IQCM: variants seen among roughly 807,000 people sequenced by gnomAD.
IQCM encodes IQ motif containing M, also known as IQ domain-containing protein M.
Under a neutral mutation model 57.6 loss-of-function variants are expected in IQCM, and 45 were observed. The ratio of observed to expected loss-of-function variants is 0.78; its 90% CI spans 0.62 to 1.00. The LOEUF is 1.00. IQCM is among the 50% of genes least tolerant of loss of function. The pLI is 0.00. For synonymous variants in IQCM, 148 were observed against 158.9 expected, an observed-to-expected ratio of 0.93 and a Z score of 0.51; for missense variants, 468 against 511.6, an observed-to-expected ratio of 0.91 and a Z score of 0.82.
At chr4:149,662,849 G>T in intron 7 of IQCM, among the ~76,000 whole-genome samples, 1 of 151,882 alleles carries the variant, frequency 6.6e-6, no homozygotes, top group African/African-American at 2.4e-5. Context: ...TTGTTTTTAT[G>T]TCCATTCACT....
intron 11 of IQCM, 143 bp from the exon 12 acceptor site, chr4:149,548,732 A>G: frequency 2.4e-6 from 1 of 418,844 alleles, no homozygotes; most frequent in Non-Finnish European, 4.0e-6. Flanking sequence ...AAAGGTTAGA[A>G]GGAAGTGGGC....
At chr4:149,754,746 C>T (rs551197508) in intron 2 of IQCM, among the ~76,000 whole-genome samples, 4 of 152,290 alleles carry the variant, frequency 2.6e-5, no homozygotes, top group African/African-American at 4.8e-5. Flanking sequence ...AGGCTCAGGC[C>T]TTGAATCTCT....
intron 7 of IQCM, among the ~76,000 whole-genome samples, chr4:149,656,438 G>T (rs925531901): frequency 5.9e-5 from 9 of 151,990 alleles, no homozygotes; most frequent in African/African-American, 2.2e-4. Flanking sequence ...GCTGACCATA[G>T]AATTAAAAGG....
chr4:149,522,243 C>T (rs1368911884), intron 12 of IQCM, among the ~76,000 whole-genome samples: 1 of 152,170 alleles, frequency 6.6e-6, no homozygotes, highest in Non-Finnish European at 1.5e-5. Flanking sequence ...AGCTGCTCAC[C>T]CCACCACTAT....
intron 13 of IQCM, among the ~76,000 whole-genome samples, chr4:149,403,388 C>A (rs908266365): frequency 1.3e-5 from 2 of 151,922 alleles, no homozygotes; most frequent in South Asian, 2.1e-4. Context: ...TCCTTGAAAA[C>A]AAGGGCTGAA....
At chr4:149,403,022 T>C (rs567745250) in intron 13 of IQCM, among the ~76,000 whole-genome samples, 5 of 152,118 alleles carry the variant, frequency 3.3e-5, no homozygotes, top group East Asian at 1.9e-4. Flanking sequence ...TTTTCACTTA[T>C]AAAATAATTT....
chr4:149,687,934 T>C (rs1190338848), intron 5 of IQCM, among the ~76,000 whole-genome samples: 5 of 151,918 alleles, frequency 3.3e-5, no homozygotes, highest in African/African-American at 4.8e-5. Flanking sequence ...AAAATCAGCA[T>C]ACAAGGGACA....
chr4:149,695,031 A>G (rs906510335), intron 5 of IQCM, among the ~76,000 whole-genome samples: 5 of 152,344 alleles, frequency 3.3e-5, no homozygotes, highest in Non-Finnish European at 7.3e-5. Context: ...GTCAAGAATG[A>G]CAGATTGCAA....
intron 5 of IQCM, among the ~76,000 whole-genome samples, chr4:149,730,925 C>G (rs985285040): frequency 6.6e-6 from 1 of 152,172 alleles, no homozygotes; most frequent in Non-Finnish European, 1.5e-5. Context: ...AATGCATGAG[C>G]CCCACAATTT....
At chr4:149,511,326 T>G (rs1238347262) in intron 12 of IQCM, among the ~76,000 whole-genome samples, 1 of 151,648 alleles carries the variant, frequency 6.6e-6, no homozygotes, top group African/African-American at 2.4e-5. Context: ...TGAGACCAGA[T>G]TGGCCAACAT....
intron 8 of IQCM, among the ~76,000 whole-genome samples, chr4:149,601,211 AAGAT>A (rs1184113792): frequency 0.013 from 3 of 232 alleles, no homozygotes; most frequent in Admixed American, 0.062. Context: ...CTAAGATTAG[AAGAT>A]TAGAATCTTT....
At chr4:149,391,958 G>A (rs1395739852) in intron 13 of IQCM, among the ~76,000 whole-genome samples, 1 of 151,774 alleles carries the variant, frequency 6.6e-6, no homozygotes, top group African/African-American at 2.4e-5. Flanking sequence ...GCTGCTGTTG[G>A]CTGCTTTGCT....
At chr4:149,431,826 C>A (rs1734892661) in intron 13 of IQCM, among the ~76,000 whole-genome samples, 2 of 151,886 alleles carry the variant, frequency 1.3e-5, no homozygotes, top group South Asian at 2.1e-4. Context: ...TCCTCCAAAT[C>A]TGCTGAACCA....
intron 13 of IQCM, among the ~76,000 whole-genome samples, chr4:149,407,171 C>G (rs1035492565): frequency 2.0e-5 from 3 of 152,074 alleles, no homozygotes; most frequent in Non-Finnish European, 2.9e-5. Flanking sequence ...TATCCCCCCC[C>G]AGGTCCCTCC....
chr4:149,678,353 T>C (rs1055105778), intron 7 of IQCM, among the ~76,000 whole-genome samples: 3 of 151,816 alleles, frequency 2.0e-5, no homozygotes, highest in African/African-American at 7.2e-5. Flanking sequence ...AAATCATACA[T>C]GCCAGGAGAA....
intron 5 of IQCM, among the ~76,000 whole-genome samples, chr4:149,707,326 A>G (rs2149823891): frequency 6.6e-6 from 1 of 152,172 alleles, no homozygotes; most frequent in East Asian, 1.9e-4. Flanking sequence ...TAATGCTTTG[A>G]AACTGCAAAT....
intron 12 of IQCM, among the ~76,000 whole-genome samples, chr4:149,477,834 A>T (rs528150120): frequency 6.6e-6 from 1 of 152,212 alleles, no homozygotes; most frequent in South Asian, 2.1e-4. Context: ...GGAAAAATGC[A>T]TGTGGGAGGA....
intron 12 of IQCM, among the ~76,000 whole-genome samples, chr4:149,498,124 A>G (rs1040646917): frequency 6.6e-6 from 1 of 152,188 alleles, no homozygotes; most frequent in African/African-American, 2.4e-5. Flanking sequence ...GGAATGTAAG[A>G]TAGAATGTCT....
At chr4:149,804,222 C>T (rs1055778124) in intron 2 of IQCM, among the ~76,000 whole-genome samples, 1 of 152,016 alleles carries the variant, frequency 6.6e-6, no homozygotes, top group African/African-American at 2.4e-5. Context: ...TTCTCCCTCA[C>T]CCTGACAGAA....
Sources: allele counts gnomAD v4.1 joint callset (sites outside exome capture counted in the v4.1 genomes callset), GRCh38; gene constraint gnomAD v4.1.1; transcripts MANE v1.5; gene names NCBI Gene and HGNC (gene_info 2026-07-23, HGNC 2026-07-21).